SLC22A13: variants seen among roughly 807,000 people sequenced by gnomAD.
SLC22A13 encodes solute carrier family 22 member 13, also known as organic anion transporter 10.
Under a neutral mutation model 49.1 loss-of-function variants are expected in SLC22A13, and 42 were observed. That is an observed-to-expected ratio of 0.85 (90% CI 0.67 to 1.11). The LOEUF (loss-of-function observed/expected upper bound fraction) is 1.11. SLC22A13 is among the 50% of genes least tolerant of loss of function. The pLI is 0.00. For missense variants in SLC22A13, 694 were observed against 712.8 expected (o/e 0.97, Z 0.30); for synonymous variants, 282 against 293.1 (o/e 0.96, Z 0.39).
In SLC22A13 at chr3:38,276,398, A is replaced by G; in HGVS notation, c.1346+3A>G. 6.3e-7 allele frequency: 1 copy of G among 1,599,158 alleles called. No individual in the cohort carries two copies. Among genetic ancestry groups the G allele is most frequent in the Non-Finnish European group, 8.6e-7 (1 of 1,168,422 alleles). ...GAGCTTTTCCCCACCATCCTCCGGT[A>G]AGAGCTGCAGTGTGACTCCTGCTCC... On this transcript the variant is annotated splice_donor_region_variant and intron_variant, in intron 8 of 9. Coordinates refer to ENST00000311856, the MANE Select transcript of SLC22A13 (RefSeq NM_004256.4).
At position 38,274,321 on chromosome 3, in the gene SLC22A13, T is replaced by C. The variant is rs1485195640; in HGVS notation, c.428T>C (p.Val143Ala). 3 of 1,614,060 alleles carry C rather than the reference T, an allele frequency of 1.9e-6. No homozygotes were observed. Among genetic ancestry groups the C allele is most frequent in the Non-Finnish European group, 2.5e-6 (3 of 1,180,028 alleles). Residue 143 changes from valine to alanine, a missense_variant, in exon 2 of 10, where the codon GTG becomes GCG. Coordinates refer to ENST00000311856, the MANE Select transcript of SLC22A13 (RefSeq NM_004256.4). ...CACCTGAAGGACACCACACAGTCAG[T>C]GTTCATGGCTGGGCTCCTTGTTGGC... ...RKHLKDTTQS[V>A]FMAGLLVGTL...
At chr3:38,275,781 T>G (rs759335445) in intron 6 of SLC22A13, 101 bp from the exon 7 acceptor site, 10 of 1,472,544 alleles carry the variant, frequency 6.8e-6, no homozygotes, top group Non-Finnish European at 9.4e-6. Flanking sequence ...TCTCCCTGGT[T>G]GTGCCAGTGT....
chr3:38,274,580 C>G, intron 2 of SLC22A13, 24 bp from the exon 3 acceptor site: 1 of 1,609,492 alleles, frequency 6.2e-7, no homozygotes, highest in Non-Finnish European at 8.5e-7. Flanking sequence ...GGACCCTCCC[C>G]ACAGACCTGC....
rs1203526582 is a variant in SLC22A13, at chr3:38,275,577, G to A, written c.928-1G>A. ...CTTCTCACTCTGCTTCTTCCTCCCA[G>A]CTGGTCCCAGAGAAGACAGGCCCCT... On this transcript the variant is annotated splice_acceptor_variant, in intron 5 of 9. Coordinates refer to ENST00000311856, the MANE Select transcript of SLC22A13 (RefSeq NM_004256.4). LOFTEE classifies it high-confidence loss of function. 1 of 1,614,118 alleles carries A rather than the reference G, an allele frequency of 6.2e-7. No homozygotes were observed. Among genetic ancestry groups the A allele is most frequent in the Non-Finnish European group, 8.5e-7 (1 of 1,179,970 alleles).
At position 38,277,031 on chromosome 3, in the gene SLC22A13, C is replaced by G; in HGVS notation, c.1466C>G (p.Pro489Arg). ...ALPMLIYGSL[P>R]IVAGLLCTLL... ...CCCATGCTCATCTACGGCAGCCTCC[C>G]CATCGTGGCCGGCCTGCTGTGCACC... is the stretch of plus-strand genomic sequence containing the variant. Residue 489 changes from proline to arginine, a missense_variant, in exon 9 of 10, where the codon CCC becomes CGC. Physicochemically the swap from Pro to Arg is moderately radical, Grantham distance 103. Coordinates refer to ENST00000311856, the MANE Select transcript of SLC22A13 (RefSeq NM_004256.4). The G allele has an allele frequency of 1.2e-6, 2 of 1,603,150 alleles. No homozygotes were observed. The highest frequency in any genetic ancestry group is 2.2e-5 in the South Asian group (2 of 89,056).
chr3:38,275,210 TG>T (rs1703565437), intron 4 of SLC22A13, 53 bp downstream of exon 4: 1 of 1,605,732 alleles, frequency 6.2e-7, no homozygotes, highest in Admixed American at 1.7e-5. Context: ...TGTGTTGTGG[TG>T]GGGTTGCAGT....
Position 38,276,043 on chromosome 3 carries a change from G to C in SLC22A13, c.1184G>C (p.Gly395Ala), listed in dbSNP as rs1703579614. The C allele has an allele frequency of 6.2e-7, 1 of 1,614,148 alleles. No homozygotes were observed. Among genetic ancestry groups the C allele is most frequent in the African/African-American group, 1.3e-5 (1 of 75,054 alleles). The stretch of plus-strand genomic sequence containing the variant: ...TTTGGCCGCAAGTGGAGCCAGTTGG[G>C]GACCTTGGTCTTGGGTGGCCTGATG... ...QRFGRKWSQL[G>A]TLVLGGLMCI... Residue 395 changes from glycine to alanine, a missense_variant, in exon 7 of 10, where the codon GGG becomes GCG. By Grantham distance (60) the Gly-to-Ala change is moderately conservative. Coordinates refer to ENST00000311856, the MANE Select transcript of SLC22A13 (RefSeq NM_004256.4).
In SLC22A13 at chr3:38,274,990, G is replaced by A. The variant is rs769791399; in HGVS notation, c.639G>A (p.Leu213=). 1.2e-6 allele frequency: 2 copies of A among 1,613,924 alleles called. No individual in the cohort carries two copies. The highest frequency in any genetic ancestry group is 1.7e-6 in the Non-Finnish European group (2 of 1,179,778). ...GTCTCAACCTCTCCATTGCCACAGT[G>A]ACAGAATGGGTGGGGCCCTCATGGA... is the stretch of plus-strand genomic sequence containing the variant. The part of the protein sequence containing the change: ...AGLSFSNVTL[L]TEWVGPSWRT... The change falls in exon 4 of 10, where the codon CTG becomes CTA. Residue 213 remains leucine, a splice_region_variant and synonymous_variant. Transcript: ENST00000311856.
intron 1 of SLC22A13, 119 bp downstream of exon 1, chr3:38,266,357 G>A (rs953001142): frequency 6.8e-6 from 8 of 1,170,974 alleles, no homozygotes; most frequent in African/African-American, 1.5e-5. Context: ...GTCAACCATG[G>A]GCACATATGT....
chr3:38,266,811 C>T (rs527438161), intron 1 of SLC22A13, among the ~76,000 whole-genome samples: 1 of 152,348 alleles, frequency 6.6e-6, no homozygotes, highest in South Asian at 2.1e-4. Context: ...AGCGTTCATT[C>T]TTGCTAACTT....
intron 1 of SLC22A13, 55 bp downstream of exon 1, chr3:38,266,293 T>C: frequency 6.3e-7 from 1 of 1,575,160 alleles, no homozygotes; most frequent in Non-Finnish European, 8.7e-7. Flanking sequence ...TCAGGTCTTG[T>C]GCCTGACTCT....
rs990856514 is a variant in SLC22A13, at chr3:38,277,524, A to G, written c.*59A>G. 8 of 1,312,038 alleles carry G rather than the reference A, an allele frequency of 6.1e-6. No individual in the cohort carries two copies. Among genetic ancestry groups the G allele is most frequent in the Non-Finnish European group, 7.6e-6 (7 of 915,422 alleles). 81.3% of individuals were successfully genotyped at this position (1,312,038 alleles called of 1,614,324 possible). A position where few individuals can be genotyped will look rare whatever the true frequency, so the allele number is the denominator to read the frequency against. ...GGGAGCTGCCTAAACACCTCCTTGG[A>G]TATGGCCAGGACCCACAGGGACACA... On this transcript the variant is annotated 3_prime_UTR_variant, in exon 10 of 10. Coordinates refer to ENST00000311856, the MANE Select transcript of SLC22A13 (RefSeq NM_004256.4).
At chr3:38,275,332 C>T (rs779758675) in intron 4 of SLC22A13, 38 bp from the exon 5 acceptor site, 73 of 1,613,106 alleles carry the variant, frequency 4.5e-5, no homozygotes, top group Middle Eastern at 3.3e-4. Context: ...CTCCCTAGGA[C>T]TCCAGGCCCC....
intron 6 of SLC22A13, 50 bp downstream of exon 6, chr3:38,275,722 G>T: frequency 6.3e-7 from 1 of 1,579,474 alleles, no homozygotes. Flanking sequence ...AGCCTCCCTG[G>T]TGTGTGTTGG....
At chr3:38,272,592 C>CAA (rs1703533721) in intron 1 of SLC22A13, among the ~76,000 whole-genome samples, 1 of 152,160 alleles carries the variant, frequency 6.6e-6, no homozygotes, top group African/African-American at 2.4e-5. Context: ...GGCTGCTAGA[C>CAA]AAAAACCAAA....
chr3:38,273,175 C>T (rs1308051174), intron 1 of SLC22A13, among the ~76,000 whole-genome samples: 2 of 152,170 alleles, frequency 1.3e-5, no homozygotes, highest in Non-Finnish European at 2.9e-5. Context: ...TGGCGGGACT[C>T]CCTAAGGGGC....
At position 38,276,990 on chromosome 3, in the gene SLC22A13, G is replaced by T. The variant is rs374399807; in HGVS notation, c.1425G>T (p.Glu475Asp). ...CACCACTTGTGATCCTGCTGGGAGA[G>T]TACCACGCTGCCCTCCCCATGCTCA... The part of the protein sequence containing the change: ...ILTPLVILLG[E>D]YHAALPMLIY... Residue 475 changes from glutamate to aspartate, a missense_variant, in exon 9 of 10, where the codon GAG becomes GAT. By Grantham distance (45) the Glu-to-Asp change is conservative. Coordinates refer to ENST00000311856, the MANE Select transcript of SLC22A13 (RefSeq NM_004256.4). 1.2e-6 allele frequency: 2 copies of T among 1,612,708 alleles called. No homozygotes were observed. Among genetic ancestry groups the T allele is most frequent in the African/African-American group, 2.7e-5 (2 of 74,878 alleles).
rs368055995 is a variant in SLC22A13, at chr3:38,275,471, C to T, written c.908C>T (p.Ser303Phe). ...GCCTCGGTCAATAGGCGGAAACTCT[C>T]CCCGGAGCTCATGAACCAGGTACTT... ...KAASVNRRKL[S>F]PELMNQLVPE... is the part of the protein sequence containing the mutation. The change falls in exon 5 of 10, where the codon TCC (serine) becomes TTC (phenylalanine). Residue 303 changes from serine to phenylalanine, a missense_variant. By Grantham distance (155) the Ser-to-Phe change is radical. Transcript: ENST00000311856. 9.9e-6 allele frequency: 16 copies of T among 1,614,064 alleles called. No individual in the cohort carries two copies. Among genetic ancestry groups the T allele is most frequent in the Non-Finnish European group, 1.4e-5 (16 of 1,180,036 alleles).
rs533720329 is a variant in SLC22A13, at chr3:38,272,015, C to T, written c.379-2257C>T. Among the ~76,000 whole-genome samples the T allele has an allele frequency of 1.1e-4, 17 of 152,332 alleles. No homozygotes were observed. The South Asian group carries it at 3.5e-3, about 32-fold the overall frequency. On this transcript the variant is annotated intron_variant, in intron 1 of 9. Transcript: ENST00000311856. The stretch of plus-strand genomic sequence containing the variant: ...CATCCCAAGTTGGAGCCCTCTTCAT[C>T]TCTACCACCTGCAACATGACAACAC...
Sources: allele counts gnomAD v4.1 joint callset (sites outside exome capture counted in the v4.1 genomes callset), GRCh38; gene constraint gnomAD v4.1.1; transcripts MANE v1.5; gene names NCBI Gene and HGNC (gene_info 2026-07-23, HGNC 2026-07-21).